Variants in TRABD2B observed in about 807,000 individuals in gnomAD.
TRABD2B encodes metalloprotease TIKI2.
A neutral mutation model predicts 40.1 loss-of-function variants in TRABD2B; 14 were observed. That is an observed-to-expected ratio of 0.35 (90% confidence interval 0.23 to 0.55). The LOEUF (loss-of-function observed/expected upper bound fraction) is 0.55, where lower values mean the gene tolerates loss of function less well. Among genes scored for constraint, TRABD2B ranks in the 20% least tolerant of loss-of-function variants. TRABD2B has a pLI of 0.90. For missense variants in TRABD2B, 541 were observed against 648.6 expected, an observed-to-expected ratio of 0.83 and a Z score of 1.80; for synonymous variants, 263 against 277.0, an observed-to-expected ratio of 0.95 and a Z score of 0.50.
chr1:47,940,878 T>C (rs939771752), intron 2 of TRABD2B, among the ~76,000 whole-genome samples: 2 of 152,224 alleles, frequency 1.3e-5, no homozygotes, highest in African/African-American at 4.8e-5. Context: ...TAATGGCGTA[T>C]TTTCCAGCAG....
intron 6 of TRABD2B, among the ~76,000 whole-genome samples, chr1:47,774,643 A>C (rs576199728): frequency 6.6e-6 from 1 of 152,242 alleles, no homozygotes; most frequent in South Asian, 2.1e-4. Context: ...TTTCAACAAG[A>C]TATATCACAA....
At chr1:47,967,951 T>G (rs567707481) in intron 2 of TRABD2B, among the ~76,000 whole-genome samples, 4 of 152,202 alleles carry the variant, frequency 2.6e-5, no homozygotes, top group Non-Finnish European at 5.9e-5. Context: ...CACTCTACAG[T>G]GATGTTGACT....
intron 2 of TRABD2B, among the ~76,000 whole-genome samples, chr1:47,833,731 C>T (rs1645280259): frequency 6.6e-6 from 1 of 152,226 alleles, no homozygotes; most frequent in Admixed American, 6.5e-5. Context: ...ATCCAGCTTG[C>T]CCTTTCACAC....
At chr1:47,922,683 C>T (rs1367730015) in intron 2 of TRABD2B, among the ~76,000 whole-genome samples, 1 of 152,204 alleles carries the variant, frequency 6.6e-6, no homozygotes, top group Middle Eastern at 3.2e-3. Flanking sequence ...CGATCACACA[C>T]AATGCTCTGT....
chr1:47,768,103 C>A (rs147536607), intron 6 of TRABD2B, among the ~76,000 whole-genome samples: 17 of 152,338 alleles, frequency 1.1e-4, no homozygotes, highest in South Asian at 2.1e-4. Context: ...GAGAGGGGTC[C>A]TCACTCACTG....
At chr1:47,862,011 T>C (rs1643980181) in intron 2 of TRABD2B, among the ~76,000 whole-genome samples, 1 of 151,952 alleles carries the variant, frequency 6.6e-6, no homozygotes, top group African/African-American at 2.4e-5. Flanking sequence ...AAGAAGAAAA[T>C]ACATGTAAAA....
chr1:47,780,944 C>T (rs966566106), intron 4 of TRABD2B, among the ~76,000 whole-genome samples: 3 of 152,318 alleles, frequency 2.0e-5, no homozygotes, highest in East Asian at 3.9e-4. Flanking sequence ...TTTTCTTGTG[C>T]GTCAAACGGG....
At chr1:47,788,809 G>C (rs1366259569) in intron 4 of TRABD2B, among the ~76,000 whole-genome samples, 1 of 152,170 alleles carries the variant, frequency 6.6e-6, no homozygotes, top group Admixed American at 6.5e-5. Flanking sequence ...GGTTCTCAGA[G>C]TTTGAAATGA....
intron 2 of TRABD2B, among the ~76,000 whole-genome samples, chr1:47,860,682 T>C (rs1281765925): frequency 6.6e-6 from 1 of 152,210 alleles, no homozygotes; most frequent in Non-Finnish European, 1.5e-5. Context: ...TGTGGCAGTA[T>C]TGGGAGGTGG....
At position 47,765,856 on chromosome 1, in the gene TRABD2B, G is replaced by A; in HGVS notation, c.*46C>T. 1 of 702,892 alleles carries A rather than the reference G, an allele frequency of 1.4e-6. No homozygotes were observed. Among genetic ancestry groups the A allele is most frequent in the South Asian group, 1.5e-5 (1 of 67,576 alleles). 43.5% of individuals were successfully genotyped at this position (702,892 alleles called of 1,614,324 possible). On this transcript the variant is annotated 3_prime_UTR_variant, in exon 7 of 7. Coordinates refer to ENST00000606738, the MANE Select transcript of TRABD2B (RefSeq NM_001194986.2). Reference sequence around the variant, plus strand: ...GCAGGAGCAGTTGGGTGTGGCCGAAGACCCCTGTGTCATTTCTCTGGCTTC... The same window carrying A: ...GCAGGAGCAGTTGGGTGTGGCCGAAAACCCCTGTGTCATTTCTCTGGCTTC...
Position 47,764,571 on chromosome 1 carries a change from G to C in TRABD2B, c.*1331C>G, listed in dbSNP as rs544890171. 1.3e-5 allele frequency: 2 copies of C among 152,300 alleles called. No individual in the cohort carries two copies. The highest frequency in any genetic ancestry group is 1.3e-4 in the Admixed American group (2 of 15,304). 9.4% of individuals were successfully genotyped at this position (152,300 alleles called of 1,614,324 possible). On this transcript the variant is annotated 3_prime_UTR_variant, in exon 7 of 7. Coordinates refer to ENST00000606738, the MANE Select transcript of TRABD2B (RefSeq NM_001194986.2). ...CTTTGATTTGGCAGGAAAGCTTCTC[G>C]TGGGCTCCAAGATCTGGCAAGTCAG...
chr1:47,994,080 A>G lies in TRABD2B; in HGVS notation c.620T>C (p.Val207Ala), dbSNP rs1335604406. ...MKKTTGAVEQ[V>A]EEQCHPLNNG... ...GTTGAGGGGATGGCACTGCTCCTCC[A>G]CCTGCTCCACAGCCCCTGTGGTCTT... Residue 207 changes from valine to alanine, a missense_variant, in exon 2 of 7, where the codon GTG becomes GCG. Physicochemically the swap from Val to Ala is moderately conservative, Grantham distance 64 (BLOSUM62 0). This residue lies in a region of TRABD2B where 369 missense variants were observed against 492.8 expected (regional missense o/e 0.75). Coordinates refer to ENST00000606738, the MANE Select transcript of TRABD2B (RefSeq NM_001194986.2). The surrounding 1 kb of genome is among the most constrained non-coding windows in gnomAD (Gnocchi z 6.7). 4 of 1,536,056 alleles carry G rather than the reference A, an allele frequency of 2.6e-6. No homozygotes were observed. In the Admixed American group the frequency reaches 7.8e-5, roughly 30 times the overall value.
intron 4 of TRABD2B, among the ~76,000 whole-genome samples, chr1:47,786,663 C>T (rs1252434363): frequency 6.6e-6 from 1 of 152,180 alleles, no homozygotes; most frequent in Non-Finnish European, 1.5e-5. Context: ...GACCAGGGCG[C>T]TTGCCAGTGA....
intron 2 of TRABD2B, among the ~76,000 whole-genome samples, chr1:47,876,798 T>C (rs1159402810): frequency 6.6e-6 from 1 of 152,190 alleles, no homozygotes; most frequent in African/African-American, 2.4e-5. Context: ...ACTCTTTATA[T>C]ACGCACATAC....
At chr1:47,909,767 T>TTCCCCACCCC (rs1644733340) in intron 2 of TRABD2B, among the ~76,000 whole-genome samples, 1 of 49,788 alleles carries the variant, frequency 2.0e-5, no homozygotes, top group African/African-American at 9.9e-5. Flanking sequence ...CCTCCCTCCC[T>TTCCCCACCCC]TCCCCTCCCC....
intron 2 of TRABD2B, among the ~76,000 whole-genome samples, chr1:47,916,668 G>A (rs1346668125): frequency 1.3e-5 from 2 of 152,384 alleles, no homozygotes; most frequent in East Asian, 3.9e-4. Flanking sequence ...CCACACAGGT[G>A]GAGAAGGGCC....
intron 2 of TRABD2B, among the ~76,000 whole-genome samples, chr1:47,971,297 C>A (rs1645679011): frequency 6.6e-6 from 1 of 152,198 alleles, no homozygotes; most frequent in African/African-American, 2.4e-5. Flanking sequence ...TCCCTGCTAT[C>A]CTGGTGGTAT....
At chr1:47,906,555 G>A (rs77831726) in intron 2 of TRABD2B, among the ~76,000 whole-genome samples, 4,074 of 152,272 alleles carry the variant, frequency 0.027, 184 homozygotes, top group African/African-American at 0.091. Flanking sequence ...TAGGATTCGA[G>A]CGTAGCAGGG....
intron 2 of TRABD2B, among the ~76,000 whole-genome samples, chr1:47,910,486 T>C (rs1362391728): frequency 2.0e-5 from 3 of 152,136 alleles, no homozygotes; most frequent in African/African-American, 7.2e-5. Flanking sequence ...AGTTCTAGGA[T>C]GGCCATGGGA....
Sources: allele counts gnomAD v4.1 joint callset (sites outside exome capture counted in the v4.1 genomes callset), GRCh38; gene constraint gnomAD v4.1.1; regional missense constraint gnomAD v4.1.1; non-coding constraint Gnocchi (gnomAD v3.1); transcripts MANE v1.5; gene names NCBI Gene and HGNC (gene_info 2026-07-23, HGNC 2026-07-21).